ARSF: variants seen among roughly 807,000 people sequenced by gnomAD.
ARSF encodes arylsulfatase F.
ARSF carries 33 observed loss-of-function variants against 35.4 expected under a neutral mutation model. The ratio of observed to expected loss-of-function variants is 0.93; its 90% CI spans 0.71 to 1.25. The LOEUF (loss-of-function observed/expected upper bound fraction) is 1.25, where lower values mean the gene tolerates loss of function less well. Among genes scored for constraint, ARSF ranks in the 50% most tolerant of loss-of-function variants. The probability of loss-of-function intolerance (pLI) is 0.00; values close to 1 mark genes in which losing one functional copy is unlikely to be tolerated. For synonymous variants in ARSF, 222 were observed against 193.1 expected (o/e 1.15, Z -1.24); for missense variants, 501 against 480.2 (o/e 1.04, Z -0.40).
intron 6 of ARSF, among the ~76,000 whole-genome samples, chrX:3,087,254 C>T (rs1171066698): frequency 3.6e-5 from 4 of 111,940 alleles, no homozygotes; most frequent in Non-Finnish European, 7.5e-5. Flanking sequence ...ACTTTGACCA[C>T]GACTCTTTAT....
At chrX:3,109,766 T>C (rs1019831682) in intron 9 of ARSF, among the ~76,000 whole-genome samples, 5 of 112,301 alleles carry the variant, frequency 4.5e-5, no homozygotes, top group Admixed American at 3.8e-4. Context: ...AGTGATTACA[T>C]AAAATTTTTT....
Position 3,073,390 on chromosome X carries a change from C to T in ARSF, c.161+1215C>T, listed in dbSNP as rs965616167. On this transcript the variant is annotated intron_variant, in intron 3 of 10. Transcript: ENST00000381127. ...AGAAAACAGGCACAGAGAGGTTCAG[C>T]GACTTCTCCAAGACTTCAGAGCTAG... Among the ~76,000 whole-genome samples the T allele has an allele frequency of 1.4e-4, 14 of 101,750 alleles. No individual in the cohort carries two copies. The Admixed American group carries it at 1.5e-3, about 11-fold the overall frequency. 88.4% of individuals were successfully genotyped at this position (101,750 alleles called of 115,157 possible). A position where few individuals can be genotyped will look rare whatever the true frequency, so the allele number is the denominator to read the frequency against.
intron 7 of ARSF, among the ~76,000 whole-genome samples, chrX:3,099,349 C>T (rs186237992): frequency 8.9e-6 from 1 of 111,827 alleles, no homozygotes; most frequent in East Asian, 2.8e-4. Context: ...ACCCCTACTT[C>T]CTCTACCCTC....
chrX:3,104,414 G>T (rs931937828), intron 9 of ARSF, among the ~76,000 whole-genome samples: 15 of 111,741 alleles, frequency 1.3e-4, no homozygotes, highest in Non-Finnish European at 2.4e-4. Context: ...CTTTTTTAGG[G>T]ATGAATAGTA....
At chrX:3,060,060 G>C (rs927800474) in intron 1 of ARSF, among the ~76,000 whole-genome samples, 7 of 111,898 alleles carry the variant, frequency 6.3e-5, no homozygotes, top group Admixed American at 3.8e-4. Context: ...AACTCATACA[G>C]GTGGTGCCCC....
intron 9 of ARSF, among the ~76,000 whole-genome samples, chrX:3,104,130 A>C (rs770863965): frequency 2.7e-5 from 3 of 111,870 alleles, no homozygotes; most frequent in African/African-American, 9.7e-5. Context: ...TAAAATATAC[A>C]TATATAATTT....
chrX:3,072,183 G>C lies in ARSF; in HGVS notation c.161+8G>C. ...CGGCAATGACACCATGAGGTAAGGC[G>C]GTTTCATGGCCAGTCATACGTTCGT... On this transcript the variant is annotated splice_region_variant and intron_variant, in intron 3 of 10. Transcript: ENST00000381127. 1 of 1,206,150 alleles carries C rather than the reference G, an allele frequency of 8.3e-7. No homozygotes were observed. The highest frequency in any genetic ancestry group is 1.1e-6 in the Non-Finnish European group (1 of 891,263).
chrX:3,052,399 G>A (rs2090000362), intron 1 of ARSF, among the ~76,000 whole-genome samples: 1 of 112,064 alleles, frequency 8.9e-6, no homozygotes, highest in Non-Finnish European at 1.9e-5. Context: ...AAAAAGCTTT[G>A]ATTCTTTAAG....
At chrX:3,092,875 TATAA>T (rs1569144439) in intron 7 of ARSF, among the ~76,000 whole-genome samples, 1 of 112,376 alleles carries the variant, frequency 8.9e-6, no homozygotes, top group African/African-American at 3.2e-5. Context: ...TCCTGCCTTT[TATAA>T]TTATCATAGG....
At chrX:3,045,554 CTTT>C (rs780857677) in intron 1 of ARSF, among the ~76,000 whole-genome samples, 6 of 89,886 alleles carry the variant, frequency 6.7e-5, no homozygotes. Flanking sequence ...CTGGGCTAAT[CTTT>C]TTTTTTTTTT....
In ARSF at chrX:3,090,026, A is replaced by T. The variant is rs2090277696; in HGVS notation, c.967+394A>T. 2.7e-5 allele frequency among the ~76,000 whole-genome samples: 3 copies of T among 111,390 alleles called. 1 individual carries two copies. In the South Asian group the frequency reaches 1.1e-3, roughly 43 times the overall value. ...ATATGATCAAACCCTTCACCCGGAC[A>T]CTAAGCATAGCACGCAATAGTTAGT... On this transcript the variant is annotated intron_variant, in intron 7 of 10. Coordinates refer to ENST00000381127, the MANE Select transcript of ARSF (RefSeq NM_001201539.2).
At chrX:3,085,245 G>A (rs1390233497) in intron 6 of ARSF, among the ~76,000 whole-genome samples, 1 of 108,028 alleles carries the variant, frequency 9.3e-6, no homozygotes, top group African/African-American at 3.4e-5. Flanking sequence ...TTGTCATCAT[G>A]TTAACTTACA....
chrX:3,057,055 G>T (rs2090021427), intron 1 of ARSF, among the ~76,000 whole-genome samples: 1 of 111,593 alleles, frequency 9.0e-6, no homozygotes, highest in Non-Finnish European at 1.9e-5. Flanking sequence ...ATGAACTTCG[G>T]CTTTGGGGTA....
chrX:3,101,017 C>T (rs1331154773), intron 7 of ARSF, 70 bp from the exon 8 acceptor site: 6 of 1,045,840 alleles, frequency 5.7e-6, no homozygotes, highest in Non-Finnish European at 6.6e-6. Context: ...ATAGCTCATG[C>T]CCATTTGACT....
chrX:3,058,723 C>A (rs1347389483), intron 1 of ARSF: 3 of 274,816 alleles, frequency 1.1e-5, no homozygotes, highest in African/African-American at 8.3e-5. Context: ...TACCCAGGTG[C>A]AGTGGTGCAT....
chrX:3,097,918 A>G (rs1410031802), intron 7 of ARSF, among the ~76,000 whole-genome samples: 1 of 110,502 alleles, frequency 9.0e-6, no homozygotes, highest in Non-Finnish European at 1.9e-5. Flanking sequence ...CAGCTGAGGC[A>G]GGAGAAATGC....
intron 6 of ARSF, among the ~76,000 whole-genome samples, chrX:3,088,025 A>C (rs2090260922): frequency 8.9e-6 from 1 of 112,120 alleles, no homozygotes; most frequent in South Asian, 3.7e-4. Flanking sequence ...TCACCAGAGC[A>C]GAAATTTCCC....
intron 9 of ARSF, among the ~76,000 whole-genome samples, chrX:3,106,775 C>G (rs974573005): frequency 8.9e-6 from 1 of 111,752 alleles, no homozygotes; most frequent in Non-Finnish European, 1.9e-5. Context: ...AAAGATAAAA[C>G]AGAGGACACC....
chrX:3,050,475 G>A (rs1315415821), intron 1 of ARSF, among the ~76,000 whole-genome samples: 2 of 108,564 alleles, frequency 1.8e-5, no homozygotes, highest in South Asian at 8.4e-4. Context: ...GAACCCAGGA[G>A]GCAGAGGTTG....
Sources: allele counts gnomAD v4.1 joint callset (sites outside exome capture counted in the v4.1 genomes callset), GRCh38; gene constraint gnomAD v4.1.1; transcripts MANE v1.5; gene names NCBI Gene and HGNC (gene_info 2026-07-23, HGNC 2026-07-21).